The following NUP210L variants were observed in gnomAD, a reference collection of about 807,000 sequenced individuals.
NUP210L encodes the protein nucleoporin 210 like, also known as nuclear pore membrane glycoprotein 210-like.
In NUP210L, 74 loss-of-function variants were observed where a neutral mutation model predicts 208.5. The ratio of observed to expected loss-of-function variants is 0.35; its 90% confidence interval spans 0.29 to 0.43. NUP210L has a LOEUF of 0.43. Among genes scored for constraint, NUP210L ranks in the 20% least tolerant of loss-of-function variants. NUP210L has a pLI of 1.00. For missense variants in NUP210L, 1,843 were observed against 2,289.4 expected, an observed-to-expected ratio of 0.81 and a Z score of 3.98; for synonymous variants, 780 against 816.9, an observed-to-expected ratio of 0.95 and a Z score of 0.77.
chr1:154,153,151 T>C (rs1196129901), intron 1 of NUP210L, among the ~76,000 whole-genome samples: 1 of 152,144 alleles, frequency 6.6e-6, no homozygotes, highest in Non-Finnish European at 1.5e-5. Context: ...ATACGACTGA[T>C]GTGTTTCTAG....
intron 3 of NUP210L, among the ~76,000 whole-genome samples, chr1:154,143,203 A>G (rs1256631626): frequency 5.4e-5 from 8 of 148,374 alleles, no homozygotes; most frequent in African/African-American, 1.7e-4. Context: ...CCCCTGCCCA[A>G]AAAAAAAAAA....
intron 27 of NUP210L, among the ~76,000 whole-genome samples, chr1:154,038,762 G>A (rs897035103): frequency 6.6e-6 from 1 of 152,106 alleles, no homozygotes; most frequent in Non-Finnish European, 1.5e-5. Context: ...TGCCTGGCTT[G>A]TTGTAGGTTT....
At chr1:154,151,749 T>C (rs1659394635) in intron 2 of NUP210L, among the ~76,000 whole-genome samples, 4 of 152,164 alleles carry the variant, frequency 2.6e-5, no homozygotes, top group Admixed American at 2.0e-4. Context: ...TGTCGTGCCA[T>C]TGCACTACAA....
chr1:154,082,483 T>C (rs1404304576), intron 16 of NUP210L, among the ~76,000 whole-genome samples: 2 of 152,198 alleles, frequency 1.3e-5, no homozygotes, highest in Admixed American at 6.5e-5. Flanking sequence ...AGCTTGTAGA[T>C]AGTTGAACAG....
At chr1:154,140,016 T>C (rs903023692) in intron 4 of NUP210L, 64 bp from the exon 5 acceptor site, 20 of 1,278,590 alleles carry the variant, frequency 1.6e-5, no homozygotes, top group Non-Finnish European at 2.2e-5. Context: ...CAAAAGTCCC[T>C]AAGAGACTTT....
chr1:154,040,372 CAA>C (rs955118869), intron 27 of NUP210L, among the ~76,000 whole-genome samples: 3 of 122,288 alleles, frequency 2.5e-5, no homozygotes, highest in Admixed American at 1.7e-4. Context: ...GACCTTGTAT[CAA>C]AAAAAAAAGA....
intron 34 of NUP210L, among the ~76,000 whole-genome samples, chr1:154,010,996 C>A (rs943467571): frequency 6.6e-6 from 1 of 151,940 alleles, no homozygotes; most frequent in Non-Finnish European, 1.5e-5. Flanking sequence ...AATTCAAGCC[C>A]CAAATCCCTA....
In NUP210L at chr1:154,058,231, GAAAAAGATTT is replaced by G. The variant is rs1415972241; in HGVS notation, c.2980-25_2980-16del. 1 of 1,611,964 alleles carries G rather than the reference GAAAAAGATTT, an allele frequency of 6.2e-7. No homozygotes were observed. The highest frequency in any genetic ancestry group is 1.3e-5 in the African/African-American group (1 of 74,718). On this transcript the variant is annotated splice_polypyrimidine_tract_variant and intron_variant, in intron 21 of 39. Coordinates refer to ENST00000368559, the Ensembl canonical transcript of NUP210L. ...TCTATTTCAACCTAGTAGTTAAAAAGAAAAAGATTTTAGCAAAGGTGTCTCATTCACCAAT... is the reference window on the plus strand; with the variant it reads ...TCTATTTCAACCTAGTAGTTAAAAAGTAGCAAAGGTGTCTCATTCACCAAT...
intron 2 of NUP210L, among the ~76,000 whole-genome samples, chr1:154,150,170 T>A (rs1659312178): frequency 6.6e-6 from 1 of 150,898 alleles, no homozygotes; most frequent in African/African-American, 2.4e-5. Flanking sequence ...AGGTTGGGAG[T>A]TCGAGATGAG....
In NUP210L at chr1:154,058,078, A is replaced by ATGG; in HGVS notation, c.3107+8_3107+10dup. 1 of 1,613,960 alleles carries ATGG rather than the reference A, an allele frequency of 6.2e-7. No homozygotes were observed. The highest frequency in any genetic ancestry group is 1.1e-5 in the South Asian group (1 of 91,062). On this transcript the variant is annotated intron_variant, in intron 22 of 39. Transcript: ENST00000368559. Reference sequence around the variant, plus strand: ...TGCAGAGTGGGAAGGAAGTATTGAAATGGTACTTACGTCAGGGTGACAATG... The same window carrying ATGG: ...TGCAGAGTGGGAAGGAAGTATTGAAATGGTGGTACTTACGTCAGGGTGACAATG...
At chr1:154,148,374 T>C (rs1360274529) in intron 2 of NUP210L, among the ~76,000 whole-genome samples, 3 of 151,880 alleles carry the variant, frequency 2.0e-5, no homozygotes, top group Non-Finnish European at 4.4e-5. Flanking sequence ...TCCCAGCTAC[T>C]GGGGAGGTTA....
chr1:154,103,544 C>T (rs1656582919), intron 13 of NUP210L, among the ~76,000 whole-genome samples: 1 of 149,088 alleles, frequency 6.7e-6, no homozygotes, highest in South Asian at 2.1e-4. Flanking sequence ...TGGTAGCGGG[C>T]GCCTGTAGTC....
chr1:154,059,485 C>T (rs561875484), intron 20 of NUP210L, among the ~76,000 whole-genome samples: 2 of 152,210 alleles, frequency 1.3e-5, no homozygotes, highest in South Asian at 4.1e-4. Flanking sequence ...CAGAGTGAGA[C>T]CCTATTTCTA....
rs888156929 is a variant in NUP210L at position 153,996,093 on chromosome 1, C to A, written c.5387-913G>T. The A allele has an allele frequency of 1.3e-4, 41 of 307,710 alleles. 1 individual carries two copies. Among genetic ancestry groups the A allele is most frequent in the East Asian group, 7.8e-5 (1 of 12,828 alleles). The allele number at this position is 307,710 out of a possible 1,614,324, so 19.1% of individuals were successfully genotyped here. The stretch of plus-strand genomic sequence containing the variant: ...GGATCACAAGGTCAGGAGATCAAGA[C>A]CATCCTGGCTAACATGGTGAAACCC... On this transcript the variant is annotated intron_variant, in intron 37 of 39. Transcript: ENST00000368559.
chr1:154,056,701 T>G, intron 23 of NUP210L, 114 bp downstream of exon 23: 1 of 1,080,502 alleles, frequency 9.3e-7, no homozygotes, highest in Non-Finnish European at 1.3e-6. Flanking sequence ...CATGGTGGTG[T>G]GAGCCACTGT....
intron 34 of NUP210L, among the ~76,000 whole-genome samples, chr1:154,011,325 G>C (rs1429167120): frequency 6.6e-6 from 1 of 150,428 alleles, no homozygotes; most frequent in African/African-American, 2.5e-5. Context: ...CTGGGTTCAA[G>C]CAATTCTCCT....
chr1:154,010,898 T>A (rs973646131), intron 34 of NUP210L, among the ~76,000 whole-genome samples: 5 of 150,872 alleles, frequency 3.3e-5, no homozygotes, highest in Admixed American at 6.6e-5. Flanking sequence ...AATAAATAAA[T>A]AAAAATAAAG....
chr1:154,035,158 G>A (rs745778721), intron 27 of NUP210L, among the ~76,000 whole-genome samples: 13 of 151,554 alleles, frequency 8.6e-5, no homozygotes, highest in South Asian at 4.2e-4. Flanking sequence ...TTTTTCCACC[G>A]CTGATTTTAT....
At chr1:154,141,400 T>C in intron 4 of NUP210L, 31 bp downstream of exon 4, 1 of 1,331,354 alleles carries the variant, frequency 7.5e-7, no homozygotes, top group Non-Finnish European at 1.1e-6. Context: ...TTCTTCATAG[T>C]CAGATGATTT....
Sources: gnomAD v4.1 joint callset for allele counts (sites outside exome capture counted in the v4.1 genomes callset) on GRCh38, gnomAD v4.1.1 for gene constraint, MANE v1.5 for transcripts, NCBI Gene and HGNC (gene_info 2026-07-23, HGNC 2026-07-21) for gene names.